Variants in TCF20 observed in about 807,000 individuals in gnomAD.
TCF20 encodes SPRE-binding protein.
TCF20 carries 3 observed loss-of-function variants against 148.6 expected under a neutral mutation model. The ratio of observed to expected loss-of-function variants is 0.02; its 90% CI spans 0.01 to 0.05. The LOEUF (loss-of-function observed/expected upper bound fraction) is 0.05. Among genes scored for constraint, TCF20 ranks in the 10% least tolerant of loss-of-function variants. The probability of loss-of-function intolerance (pLI) is 1.00; values close to 1 mark genes in which losing one functional copy is unlikely to be tolerated. For missense variants in TCF20, 2,350 were observed against 2,429.3 expected (o/e 0.97, Z 0.69); for synonymous variants, 1,049 against 909.5 (o/e 1.15, Z -2.76).
chr22:42,231,038 T>C (rs1923351744), intron 1 of TCF20, among the ~76,000 whole-genome samples: 1 of 152,038 alleles, frequency 6.6e-6, no homozygotes, highest in African/African-American at 2.4e-5. Flanking sequence ...GGCGTGTGCC[T>C]GTAGTACCAA....
chr22:42,212,367 G>A lies in TCF20; in HGVS notation c.2939C>T (p.Pro980Leu), dbSNP rs376969220. Residue 980 changes from proline (P) to leucine (L), a missense_variant, in exon 2 of 6, where the codon CCG becomes CTG. Transcript: ENST00000677622. ...ATHDSLSDYG[P>L]QDSRPTPMRR... ...CATTGGCGTGGGTCTGCTGTCTTGC[G>A]GGCCATAGTCTGAAAGGGAATCATG... 16 of 1,614,092 alleles carry A rather than the reference G, an allele frequency of 9.9e-6. No individual in the cohort carries two copies. Among genetic ancestry groups the A allele is most frequent in the Admixed American group, 3.3e-5 (2 of 60,010 alleles).
intron 1 of TCF20, among the ~76,000 whole-genome samples, chr22:42,242,805 T>C (rs938565048): frequency 6.6e-6 from 1 of 152,064 alleles, no homozygotes; most frequent in Non-Finnish European, 1.5e-5. Flanking sequence ...GAGAATCACT[T>C]GAACCCAGGA....
chr22:42,287,217 G>A (rs1157397810), upstream of TCF20, among the ~76,000 whole-genome samples: 5 of 152,192 alleles, frequency 3.3e-5, no homozygotes, highest in Non-Finnish European at 7.3e-5. Context: ...TGGGAGCATG[G>A]TGGCTGAGCT....
chr22:42,174,414 G>A (rs574605377), intron 3 of TCF20, among the ~76,000 whole-genome samples: 4 of 152,248 alleles, frequency 2.6e-5, no homozygotes, highest in South Asian at 4.1e-4. Context: ...CCTCCAGGGG[G>A]GCCCTTGCTG....
intron 3 of TCF20, 62 bp downstream of exon 3, chr22:42,179,547 A>T (rs1388291319): frequency 3.5e-6 from 4 of 1,153,704 alleles, no homozygotes; most frequent in Non-Finnish European, 5.0e-6. Context: ...CAACAGAGAG[A>T]ATCAAACTGT....
intron 1 of TCF20, among the ~76,000 whole-genome samples, chr22:42,283,412 G>A (rs1926953521): frequency 6.6e-6 from 1 of 151,816 alleles, no homozygotes; most frequent in African/African-American, 2.4e-5. Flanking sequence ...GCTGGATCTG[G>A]ACCGGAGGGG....
chr22:42,208,730 C>T (rs1023594241), intron 2 of TCF20, among the ~76,000 whole-genome samples: 20 of 151,936 alleles, frequency 1.3e-4, no homozygotes, highest in Admixed American at 6.6e-5. Flanking sequence ...ATAAAAACAG[C>T]GGATCAATCC....
chr22:42,298,793 G>A (rs1319725813), intron 1 of TCF20, among the ~76,000 whole-genome samples: 4 of 152,252 alleles, frequency 2.6e-5, no homozygotes, highest in Non-Finnish European at 4.4e-5. Flanking sequence ...CCACAGCAGG[G>A]ATGGGCCAGA....
At chr22:42,308,538 C>G (rs946622532) in intron 1 of TCF20, among the ~76,000 whole-genome samples, 2 of 152,094 alleles carry the variant, frequency 1.3e-5, no homozygotes, top group Admixed American at 6.5e-5. Context: ...CTAGGTGAAG[C>G]CACGAATCCA....
intron 1 of TCF20, among the ~76,000 whole-genome samples, chr22:42,219,418 T>TA (rs1330530982): frequency 1.4e-5 from 2 of 141,222 alleles, no homozygotes; most frequent in Admixed American, 1.5e-4. Context: ...CCCATCATCT[T>TA]AAAAAAAGCA....
At chr22:42,249,482 G>C (rs1925188597) in intron 1 of TCF20, among the ~76,000 whole-genome samples, 3 of 152,192 alleles carry the variant, frequency 2.0e-5, no homozygotes. Context: ...AGAGATCTGT[G>C]AAACTCTTCC....
chr22:42,198,634 T>C (rs1435445777), intron 2 of TCF20, among the ~76,000 whole-genome samples: 1 of 151,978 alleles, frequency 6.6e-6, no homozygotes, highest in East Asian at 1.9e-4. Context: ...AAAAAGTCTG[T>C]ATATATTCAG....
chr22:42,243,715 G>C (rs1924668535), intron 1 of TCF20, among the ~76,000 whole-genome samples: 1 of 152,206 alleles, frequency 6.6e-6, no homozygotes, highest in Non-Finnish European at 1.5e-5. Context: ...ATTAGTAATA[G>C]TGGAACCTAT....
At position 42,299,461 on chromosome 22, in the gene TCF20, A is replaced by G. The variant is rs1177078537; in HGVS notation, c.-37+44018T>C. ...CAACCTCCAATGCCCTGGGGCCTCA[A>G]TTTCCCCCAGGACAAAGGGGCCTCA... On this transcript the variant is annotated intron_variant, in intron 1 of 1. Coordinates refer to the TCF20 transcript ENST00000515426. The surrounding 1 kb of genome is among the most constrained non-coding windows in gnomAD (Gnocchi z 4.1). Among the ~76,000 whole-genome samples, 1 of 152,062 alleles carries G rather than the reference A, an allele frequency of 6.6e-6. No homozygotes were observed. Among genetic ancestry groups the G allele is most frequent in the Non-Finnish European group, 1.5e-5 (1 of 68,000 alleles).
At chr22:42,326,209 G>A (rs1462045715) in intron 1 of TCF20, among the ~76,000 whole-genome samples, 12 of 152,056 alleles carry the variant, frequency 7.9e-5, no homozygotes, top group Admixed American at 3.9e-4. Context: ...GGAACCAAGC[G>A]GGACCACCCC....
At chr22:42,259,839 G>T (rs185736232) in intron 1 of TCF20, among the ~76,000 whole-genome samples, 18 of 152,294 alleles carry the variant, frequency 1.2e-4, no homozygotes, top group African/African-American at 4.1e-4. Flanking sequence ...TAAACAAAAG[G>T]ACAAGATAAA....
chr22:42,242,355 A>G (rs1405544336), intron 1 of TCF20, among the ~76,000 whole-genome samples: 1 of 152,002 alleles, frequency 6.6e-6, no homozygotes, highest in Non-Finnish European at 1.5e-5. Context: ...CAAATAAGAG[A>G]TATCACCAAA....
intron 1 of TCF20, among the ~76,000 whole-genome samples, chr22:42,304,239 T>C (rs1280624712): frequency 6.6e-6 from 1 of 152,160 alleles, no homozygotes; most frequent in Admixed American, 6.5e-5. Context: ...CCGCCTTAGC[T>C]GCCCGTTCCA....
intron 2 of TCF20, among the ~76,000 whole-genome samples, chr22:42,207,222 GCGCACTGAATCATGAGCCCA>G (rs1478572577): frequency 6.6e-6 from 1 of 152,004 alleles, no homozygotes; most frequent in African/African-American, 2.4e-5. Context: ...GTCAAAGTCC[GCGCACTGAATCATGAGCCCA>G]TATCCCCACC....
Sources: gnomAD v4.1 joint callset for allele counts (sites outside exome capture counted in the v4.1 genomes callset) on GRCh38, gnomAD v4.1.1 for gene constraint, Gnocchi (gnomAD v3.1) non-coding constraint, MANE v1.5 for transcripts, NCBI Gene and HGNC (gene_info 2026-07-23, HGNC 2026-07-21) for gene names.